Variants in DYM observed in about 807,000 individuals in gnomAD.
The protein encoded by DYM is dyggve-Melchior-Clausen syndrome protein.
DYM carries 78 observed loss-of-function variants against 93.1 expected under a neutral mutation model. The ratio of observed to expected loss-of-function variants is 0.84; its 90% CI spans 0.70 to 1.01. DYM has a LOEUF of 1.01. DYM is among the 50% of genes least tolerant of loss of function. The pLI is 0.00. For synonymous variants in DYM, 321 were observed against 319.7 expected (o/e 1.00, Z -0.04); for missense variants, 789 against 845.0 (o/e 0.93, Z 0.82).
intron 2 of DYM, among the ~76,000 whole-genome samples, chr18:49,402,249 T>A (rs1004648878): frequency 3.9e-5 from 6 of 152,138 alleles, no homozygotes; most frequent in African/African-American, 1.4e-4. Flanking sequence ...GAATGGAGTA[T>A]CCTTATGTCA....
intron 8 of DYM, among the ~76,000 whole-genome samples, chr18:49,302,524 G>A (rs981349512): frequency 6.6e-6 from 1 of 151,986 alleles, no homozygotes; most frequent in East Asian, 1.9e-4. Flanking sequence ...TAAATCAGGG[G>A]TGCTGCTTTA....
intron 15 of DYM, among the ~76,000 whole-genome samples, chr18:49,143,042 T>C (rs2084700857): frequency 6.6e-6 from 1 of 152,232 alleles, no homozygotes; most frequent in Non-Finnish European, 1.5e-5. Flanking sequence ...ATGATAATCA[T>C]ATTTGAATAC....
intron 14 of DYM, among the ~76,000 whole-genome samples, chr18:49,192,999 G>A (rs188098343): frequency 6.6e-6 from 1 of 152,032 alleles, no homozygotes; most frequent in Non-Finnish European, 1.5e-5. Flanking sequence ...GCACAGCATG[G>A]TGAATATAAT....
intron 1 of DYM, among the ~76,000 whole-genome samples, chr18:49,456,708 T>A (rs1348389329): frequency 1.3e-5 from 2 of 152,194 alleles, no homozygotes; most frequent in Non-Finnish European, 2.9e-5. Flanking sequence ...ATATGTAAAG[T>A]TGTTCCCAGC....
intron 1 of DYM, among the ~76,000 whole-genome samples, chr18:49,437,082 C>A (rs1419560904): frequency 6.6e-6 from 1 of 152,058 alleles, no homozygotes; most frequent in East Asian, 1.9e-4. Context: ...ATTTTATGTT[C>A]TTTTTGTATC....
intron 8 of DYM, among the ~76,000 whole-genome samples, chr18:49,300,085 A>AT (rs1440792631): frequency 2.9e-5 from 4 of 139,734 alleles, no homozygotes; most frequent in African/African-American, 1.0e-4. Context: ...ATATATATAT[A>AT]AATATATATA....
intron 6 of DYM, among the ~76,000 whole-genome samples, chr18:49,347,142 T>C (rs994950364): frequency 6.6e-6 from 1 of 152,142 alleles, no homozygotes; most frequent in Non-Finnish European, 1.5e-5. Flanking sequence ...TAATCGTAAA[T>C]TCAAAAAATC....
In DYM at chr18:49,430,252, T is replaced by C. The variant is rs776346827; in HGVS notation, c.140+3A>G. ...AATTTTCAATCTCCAGGCAATCTCTTACCTGCTAGTTGGTGCAGGGAAAGA... is the reference window on the plus strand; with the variant it reads ...AATTTTCAATCTCCAGGCAATCTCTCACCTGCTAGTTGGTGCAGGGAAAGA... On this transcript the variant is annotated splice_donor_region_variant and intron_variant, in intron 2 of 17. Transcript: ENST00000675505. 4.3e-6 allele frequency: 7 copies of C among 1,613,868 alleles called. No homozygotes were observed. The highest frequency in any genetic ancestry group is 5.9e-6 in the Non-Finnish European group (7 of 1,179,940).
Position 49,331,886 on chromosome 18 carries a change from A to G in DYM, c.741T>C (p.Tyr247=), listed in dbSNP as rs2063330486. ...PQQSDGGGLL[Y]GLASGVATGL... ...TACTTGCTACTCCTGATGCAAGTCCATAAAGCAGTCCTCCCCCATCCGACT... is the reference window on the plus strand; with the variant it reads ...TACTTGCTACTCCTGATGCAAGTCCGTAAAGCAGTCCTCCCCCATCCGACT... Residue 247 remains tyrosine (Y), a synonymous_variant, in exon 8 of 18, where the codon TAT becomes TAC. Coordinates refer to ENST00000675505, the MANE Select transcript of DYM (RefSeq NM_001353214.3). The G allele has an allele frequency of 1.9e-6, 3 of 1,614,180 alleles. No individual in the cohort carries two copies. The highest frequency in any genetic ancestry group is 1.6e-4 in the Middle Eastern group (1 of 6,062).
intron 1 of DYM, among the ~76,000 whole-genome samples, chr18:49,440,904 A>ATATATATAAT: frequency 9.2e-5 from 4 of 43,674 alleles, no homozygotes; most frequent in African/African-American, 1.1e-4. Context: ...TATTTATATA[A>ATATATATAAT]ATATATTATA....
chr18:49,217,558 G>A (rs966976592), intron 13 of DYM, among the ~76,000 whole-genome samples: 6 of 152,248 alleles, frequency 3.9e-5, no homozygotes, highest in African/African-American at 9.6e-5. Flanking sequence ...CGGATCTCTC[G>A]GCAGAAACTC....
chr18:49,450,971 G>A (rs1454844071), intron 1 of DYM, among the ~76,000 whole-genome samples: 1 of 152,206 alleles, frequency 6.6e-6, no homozygotes, highest in Non-Finnish European at 1.5e-5. Flanking sequence ...CATTGGAAGA[G>A]AGAAAGAACG....
At chr18:49,057,981 G>A (rs2075644253) in intron 17 of DYM, among the ~76,000 whole-genome samples, 1 of 152,234 alleles carries the variant, frequency 6.6e-6, no homozygotes, top group African/African-American at 2.4e-5. Flanking sequence ...TGCAGGCAGG[G>A]CTGAGAGGCC....
intron 13 of DYM, among the ~76,000 whole-genome samples, chr18:49,236,655 AG>A (rs2144605272): frequency 6.6e-6 from 1 of 152,320 alleles, no homozygotes; most frequent in Admixed American, 6.5e-5. Flanking sequence ...GTAAATTCCA[AG>A]AGCCAATTAA....
At chr18:49,358,158 T>A (rs972638142) in intron 6 of DYM, among the ~76,000 whole-genome samples, 5 of 151,678 alleles carry the variant, frequency 3.3e-5, no homozygotes, top group African/African-American at 9.7e-5. Context: ...CTCAAAAAAA[T>A]AAATAAATAA....
At chr18:49,289,746 T>TATATATATACAC (rs2059939035) in intron 8 of DYM, among the ~76,000 whole-genome samples, 6 of 42,862 alleles carry the variant, frequency 1.4e-4, no homozygotes, top group South Asian at 6.8e-4. Context: ...TATATATATA[T>TATATATATACAC]ATATATATAT....
At chr18:49,144,548 T>C (rs2084874161) in intron 15 of DYM, among the ~76,000 whole-genome samples, 1 of 152,226 alleles carries the variant, frequency 6.6e-6, no homozygotes, top group African/African-American at 2.4e-5. Flanking sequence ...TACTATCTTA[T>C]TTGAAAGGCA....
At chr18:49,058,318 C>A (rs1599416221) in intron 17 of DYM, among the ~76,000 whole-genome samples, 1 of 143,744 alleles carries the variant, frequency 7.0e-6, no homozygotes, top group African/African-American at 2.5e-5. Flanking sequence ...TCTTTTTCTT[C>A]TTTTTTTTTT....
At chr18:49,097,880 T>G (rs1190110649) in intron 16 of DYM, among the ~76,000 whole-genome samples, 8 of 90,560 alleles carry the variant, frequency 8.8e-5, no homozygotes, top group South Asian at 7.8e-4. Flanking sequence ...ATTAGCTCTC[T>G]CTCTCTCTCT....
Sources: allele counts gnomAD v4.1 joint callset (sites outside exome capture counted in the v4.1 genomes callset), GRCh38; gene constraint gnomAD v4.1.1; transcripts MANE v1.5; gene names NCBI Gene and HGNC (gene_info 2026-07-23, HGNC 2026-07-21).